The following SGTB variants were observed in gnomAD, a reference collection of about 807,000 sequenced individuals.
SGTB encodes small glutamine rich tetratricopeptide repeat co-chaperone beta.
In SGTB, 19 loss-of-function variants were observed where a neutral mutation model predicts 43.9. The observed-to-expected ratio is 0.43, with a 90% CI of 0.30 to 0.63. SGTB has a LOEUF of 0.63. Among genes scored for constraint, SGTB ranks in the 30% least tolerant of loss-of-function variants. The pLI, the probability that SGTB is intolerant of heterozygous loss-of-function variation, is 0.12. For synonymous variants in SGTB, 116 were observed against 117.3 expected (o/e 0.99, Z 0.07); for missense variants, 304 against 358.9 (o/e 0.85, Z 1.24).
At chr5:65,684,693 C>T (rs745315701) in intron 6 of SGTB, among the ~76,000 whole-genome samples, 25 of 152,020 alleles carry the variant, frequency 1.6e-4, no homozygotes, top group Admixed American at 9.8e-4. Flanking sequence ...GCTGGGTCTG[C>T]GGGTGCTCAT....
intron 3 of SGTB, among the ~76,000 whole-genome samples, chr5:65,711,895 A>G (rs1758051928): frequency 6.6e-6 from 1 of 152,182 alleles, no homozygotes; most frequent in African/African-American, 2.4e-5. Context: ...ATTATATACT[A>G]AAGCTCAAGT....
chr5:65,676,497 A>T (rs1377138532), intron 8 of SGTB, among the ~76,000 whole-genome samples: 1 of 152,342 alleles, frequency 6.6e-6, no homozygotes, highest in Admixed American at 6.5e-5. Context: ...GGAGACTTTA[A>T]CACTCTGCTG....
chr5:65,672,167 G>T (rs1581243323), intron 9 of SGTB, 77 bp downstream of exon 9: 1 of 1,600,686 alleles, frequency 6.2e-7, no homozygotes, highest in Non-Finnish European at 8.5e-7. Flanking sequence ...CATCATTTTT[G>T]AGCTGATGTG....
At chr5:65,722,185 C>CGGCGCGGGGCGGGGCTGGTA (rs1350860688), upstream of SGTB, 5 of 275,912 alleles carry the variant, frequency 1.8e-5, no homozygotes, top group African/African-American at 9.0e-5. Context: ...GGGCGGGGCA[C>CGGCGCGGGGCGGGGCTGGTA]GGCGCGGGGC....
At chr5:65,711,193 A>G (rs1227504258) in intron 3 of SGTB, among the ~76,000 whole-genome samples, 1 of 152,078 alleles carries the variant, frequency 6.6e-6, no homozygotes, top group Non-Finnish European at 1.5e-5. Flanking sequence ...TACCACATAT[A>G]TAACACAACT....
At chr5:65,716,860 T>C (rs545078436) in intron 2 of SGTB, among the ~76,000 whole-genome samples, 2 of 152,034 alleles carry the variant, frequency 1.3e-5, no homozygotes, top group Admixed American at 6.6e-5. Context: ...AGAAGCCGAA[T>C]GATATCACCA....
intron 5 of SGTB, among the ~76,000 whole-genome samples, chr5:65,687,600 G>C (rs932171741): frequency 6.6e-6 from 1 of 152,170 alleles, no homozygotes; most frequent in Non-Finnish European, 1.5e-5. Context: ...AGCTCTTGTC[G>C]ACAGGTGATT....
intron 10 of SGTB, among the ~76,000 whole-genome samples, chr5:65,670,864 C>T (rs1038389845): frequency 6.6e-6 from 1 of 152,088 alleles, no homozygotes; most frequent in Non-Finnish European, 1.5e-5. Context: ...ATGCAATATT[C>T]TAAGTGGATA....
chr5:65,681,984 A>G (rs1459329702), intron 6 of SGTB, among the ~76,000 whole-genome samples: 2 of 152,140 alleles, frequency 1.3e-5, no homozygotes, highest in Non-Finnish European at 2.9e-5. Flanking sequence ...TCAAAAAAAA[A>G]AAAAGATAAA....
intron 8 of SGTB, among the ~76,000 whole-genome samples, chr5:65,673,297 G>A (rs1248782895): frequency 6.6e-6 from 1 of 152,158 alleles, no homozygotes; most frequent in Non-Finnish European, 1.5e-5. Flanking sequence ...AGACTGACCG[G>A]TTGTAGTAGA....
intron 8 of SGTB, 104 bp from the exon 9 acceptor site, chr5:65,672,385 A>G: frequency 7.3e-7 from 1 of 1,372,218 alleles, no homozygotes; most frequent in Non-Finnish European, 1.0e-6. Context: ...TGTATGCACT[A>G]ACATTTTGTA....
At chr5:65,697,679 T>C (rs1403428635) in intron 5 of SGTB, among the ~76,000 whole-genome samples, 1 of 152,176 alleles carries the variant, frequency 6.6e-6, no homozygotes, top group Non-Finnish European at 1.5e-5. Flanking sequence ...AATAAAGGAA[T>C]TTTTGTGTAT....
chr5:65,706,268 C>T (rs1424291477), intron 4 of SGTB, among the ~76,000 whole-genome samples: 3 of 151,956 alleles, frequency 2.0e-5, no homozygotes, highest in Non-Finnish European at 4.4e-5. Context: ...TATGAAGAAA[C>T]AAAAAGTTTA....
At chr5:65,722,168 C>T (rs1322182258), upstream of SGTB, 3 of 244,986 alleles carry the variant, frequency 1.2e-5, no homozygotes, top group African/African-American at 6.9e-5. Flanking sequence ...GCCAGACACG[C>T]GAGCTGGGGC....
chr5:65,710,853 G>A (rs376884840), intron 3 of SGTB, among the ~76,000 whole-genome samples: 23 of 152,044 alleles, frequency 1.5e-4, no homozygotes, highest in Non-Finnish European at 2.1e-4. Context: ...AGCCAGGGCC[G>A]GGTGTGGTGG....
chr5:65,700,778 G>A (rs1297346784), intron 5 of SGTB, among the ~76,000 whole-genome samples: 12 of 151,402 alleles, frequency 7.9e-5, no homozygotes, highest in African/African-American at 2.7e-4. Flanking sequence ...GGGAGGCTGA[G>A]GCAGGTAGAT....
chr5:65,690,105 G>C (rs1289315568), intron 5 of SGTB, among the ~76,000 whole-genome samples: 2 of 151,708 alleles, frequency 1.3e-5, no homozygotes, highest in Non-Finnish European at 2.9e-5. Flanking sequence ...CAATAGAAGG[G>C]GGGGATGTGG....
chr5:65,701,590 G>C (rs1757820842), intron 5 of SGTB, among the ~76,000 whole-genome samples: 1 of 150,942 alleles, frequency 6.6e-6, no homozygotes, highest in Non-Finnish European at 1.5e-5. Flanking sequence ...TCTGCTGTCT[G>C]ATATAGCAGC....
chr5:65,704,238 T>C (rs373282925), intron 5 of SGTB, 41 bp downstream of exon 5: 4 of 1,400,554 alleles, frequency 2.9e-6, no homozygotes, highest in Non-Finnish European at 3.9e-6. Context: ...TTAATCTAAA[T>C]GTTTAAGAAT....
Sources: gnomAD v4.1 joint callset for allele counts (sites outside exome capture counted in the v4.1 genomes callset) on GRCh38, gnomAD v4.1.1 for gene constraint, MANE v1.5 for transcripts, NCBI Gene and HGNC (gene_info 2026-07-23, HGNC 2026-07-21) for gene names.